Variants in MCUB observed in about 807,000 individuals in gnomAD.
MCUB encodes mitochondrial calcium uniporter dominant negative subunit beta, also known as calcium uniporter regulatory subunit MCUb, mitochondrial.
In MCUB, 46 loss-of-function variants were observed where a neutral mutation model predicts 41.4. The ratio of observed to expected loss-of-function variants is 1.11; its 90% confidence interval spans 0.88 to 1.42. MCUB has a LOEUF of 1.42. MCUB is among the 40% of genes most tolerant of loss of function. The pLI, the probability that MCUB is intolerant of heterozygous loss-of-function variation, is 0.00. For synonymous variants in MCUB, 148 were observed against 148.2 expected, an observed-to-expected ratio of 1.00 and a Z score of 0.01; for missense variants, 403 against 404.9, an observed-to-expected ratio of 1.00 and a Z score of 0.04.
At chr4:109,684,144 G>A (rs531008072) in intron 5 of MCUB, among the ~76,000 whole-genome samples, 13 of 150,360 alleles carry the variant, frequency 8.6e-5, no homozygotes, top group South Asian at 2.1e-4. Flanking sequence ...CTCACTGCAA[G>A]CTCCACCTCC....
chr4:109,628,827 A>G (rs1291483766), intron 1 of MCUB, among the ~76,000 whole-genome samples: 1 of 152,212 alleles, frequency 6.6e-6, no homozygotes, highest in Non-Finnish European at 1.5e-5. Context: ...GGCCCTGCAG[A>G]TAGAGCCAGG....
chr4:109,563,031 C>G (rs1451883454), intron 1 of MCUB, among the ~76,000 whole-genome samples: 1 of 152,236 alleles, frequency 6.6e-6, no homozygotes, highest in Non-Finnish European at 1.5e-5. Flanking sequence ...GGCAGCATCT[C>G]TGCTTGTCAG....
rs1579102857 is a variant in MCUB, at chr4:109,687,873, T to C, written c.*281T>C. 1 of 364,106 alleles carries C rather than the reference T, an allele frequency of 2.7e-6. No homozygotes were observed. The highest frequency in any genetic ancestry group is 4.9e-6 in the Non-Finnish European group (1 of 202,388). The allele number at this position is 364,106 out of a possible 1,614,324, so 22.6% of individuals were successfully genotyped here. On this transcript the variant is annotated 3_prime_UTR_variant, in exon 8 of 8. Transcript: ENST00000394650. ...CCCACGTTTATTCTCTATGTGGAGG[T>C]GAAAGGGTCTGTGCTTGGCATTCAC...
At chr4:109,606,672 G>A (rs1357885050) in intron 1 of MCUB, among the ~76,000 whole-genome samples, 1 of 152,058 alleles carries the variant, frequency 6.6e-6, no homozygotes, top group Non-Finnish European at 1.5e-5. Context: ...CTATACTTCA[G>A]TGTCATCCCC....
intron 1 of MCUB, among the ~76,000 whole-genome samples, chr4:109,604,844 C>G (rs1039674245): frequency 2.0e-5 from 3 of 152,138 alleles, no homozygotes; most frequent in Non-Finnish European, 2.9e-5. Flanking sequence ...ATATGTCAAA[C>G]CATGGTTCCC....
At chr4:109,574,618 C>T (rs1172568452) in intron 1 of MCUB, among the ~76,000 whole-genome samples, 2 of 152,108 alleles carry the variant, frequency 1.3e-5, no homozygotes, top group South Asian at 4.1e-4. Context: ...TTTAAAGGTC[C>T]CAGATCTATT....
intron 1 of MCUB, among the ~76,000 whole-genome samples, chr4:109,584,820 G>A (rs1473980800): frequency 6.6e-6 from 1 of 152,188 alleles, no homozygotes; most frequent in Non-Finnish European, 1.5e-5. Context: ...CTGAGAGACA[G>A]TTTGTTGTGA....
Position 109,621,767 on chromosome 4 carries a change from A to G in MCUB, c.100-37244A>G, listed in dbSNP as rs968875843. ...TAAGTCACAAAATTATAATGTCACT[A>G]TAAGTTATTACCAAGGAATAATTAA... On this transcript the variant is annotated intron_variant, in intron 1 of 7. Coordinates refer to ENST00000394650, the MANE Select transcript of MCUB (RefSeq NM_017918.5). Among the ~76,000 whole-genome samples, 11 of 152,374 alleles carry G rather than the reference A, an allele frequency of 7.2e-5. No individual in the cohort carries two copies. In the East Asian group the frequency reaches 1.7e-3, roughly 24 times the overall value.
At chr4:109,612,847 C>T (rs982267845) in intron 1 of MCUB, among the ~76,000 whole-genome samples, 7 of 152,280 alleles carry the variant, frequency 4.6e-5, no homozygotes, top group South Asian at 4.1e-4. Flanking sequence ...TGTCTCACGC[C>T]TGTAATCCCA....
intron 1 of MCUB, among the ~76,000 whole-genome samples, chr4:109,576,807 A>G (rs988673040): frequency 6.6e-5 from 10 of 152,104 alleles, no homozygotes; most frequent in African/African-American, 1.7e-4. Context: ...GTGGACAACA[A>G]CCCTGTGTCA....
chr4:109,579,020 T>C (rs1727102589), intron 1 of MCUB, among the ~76,000 whole-genome samples: 1 of 152,206 alleles, frequency 6.6e-6, no homozygotes, highest in Non-Finnish European at 1.5e-5. Flanking sequence ...CAATATTCCT[T>C]CACACTTGCT....
At chr4:109,609,770 C>T (rs539330919) in intron 1 of MCUB, among the ~76,000 whole-genome samples, 88 of 152,248 alleles carry the variant, frequency 5.8e-4, no homozygotes, top group South Asian at 2.3e-3. Context: ...TGCAGCCACT[C>T]CCTGGCTACT....
intron 1 of MCUB, among the ~76,000 whole-genome samples, chr4:109,643,167 A>G (rs1048924119): frequency 6.6e-6 from 1 of 151,886 alleles, no homozygotes; most frequent in African/African-American, 2.4e-5. Flanking sequence ...TATTATTCAA[A>G]CTTGACTGAG....
chr4:109,674,265 G>A (rs1250976442), intron 4 of MCUB: 4 of 650,656 alleles, frequency 6.1e-6, no homozygotes, highest in Non-Finnish European at 1.1e-5. Flanking sequence ...TTCCTTTCTT[G>A]CAGGCTTGAT....
At chr4:109,644,326 CA>C (rs1180063247) in intron 1 of MCUB, among the ~76,000 whole-genome samples, 7 of 152,038 alleles carry the variant, frequency 4.6e-5, no homozygotes, top group African/African-American at 1.7e-4. Context: ...AGACAAAAAA[CA>C]AGCAGCCACA....
intron 1 of MCUB, among the ~76,000 whole-genome samples, chr4:109,648,295 A>G (rs192874490): frequency 7.9e-5 from 12 of 152,324 alleles, no homozygotes; most frequent in African/African-American, 2.6e-4. Context: ...TCAGTTCCAA[A>G]GGGATGACTG....
intron 1 of MCUB, among the ~76,000 whole-genome samples, chr4:109,608,884 G>A (rs749911259): frequency 1.3e-4 from 20 of 152,112 alleles, no homozygotes; most frequent in Non-Finnish European, 7.4e-5. Context: ...TATTTAAAGG[G>A]ACTTGGGTGT....
At chr4:109,571,294 A>G (rs551744226) in intron 1 of MCUB, among the ~76,000 whole-genome samples, 3 of 150,674 alleles carry the variant, frequency 2.0e-5, no homozygotes, top group African/African-American at 7.4e-5. Context: ...AAAAAACCTA[A>G]TGATTAAACT....
intron 1 of MCUB, among the ~76,000 whole-genome samples, chr4:109,626,821 C>CA (rs58560479): frequency 0.028 from 2,225 of 79,604 alleles, 26 homozygotes; most frequent in African/African-American, 0.056. Context: ...GAGTCCGACT[C>CA]AAAAAAAAAA....
Sources: allele counts gnomAD v4.1 joint callset (sites outside exome capture counted in the v4.1 genomes callset), GRCh38; gene constraint gnomAD v4.1.1; transcripts MANE v1.5; gene names NCBI Gene and HGNC (gene_info 2026-07-23, HGNC 2026-07-21).